Variants in RB1 observed in about 807,000 individuals in gnomAD.
RB1 encodes the protein retinoblastoma-associated protein.
Under a neutral mutation model 135.4 loss-of-function variants are expected in RB1, and 18 were observed. The ratio of observed to expected loss-of-function variants is 0.13; its 90% CI spans 0.09 to 0.20. The LOEUF is 0.20. Among genes scored for constraint, RB1 ranks in the 10% least tolerant of loss-of-function variants. RB1 has a pLI of 1.00. For missense variants in RB1, 868 were observed against 1,110.0 expected, an observed-to-expected ratio of 0.78 and a Z score of 3.10; for synonymous variants, 365 against 373.2, an observed-to-expected ratio of 0.98 and a Z score of 0.25.
intron 4 of RB1, among the ~76,000 whole-genome samples, chr13:48,346,881 A>G (rs1952503468): frequency 6.6e-6 from 1 of 152,098 alleles, no homozygotes; most frequent in African/African-American, 2.4e-5. Context: ...TAAACAAAGC[A>G]AGCAAAAACT....
intron 1 of RB1, among the ~76,000 whole-genome samples, 156 bp downstream of exon 1, chr13:48,304,205 C>A (rs1186782225): frequency 1.3e-5 from 2 of 152,106 alleles, no homozygotes; most frequent in Non-Finnish European, 2.9e-5. Flanking sequence ...GGCGGAGCGT[C>A]TGCAGAATGG....
At chr13:48,435,684 T>A (rs977642504) in intron 17 of RB1, among the ~76,000 whole-genome samples, 1 of 152,150 alleles carries the variant, frequency 6.6e-6, no homozygotes, top group Non-Finnish European at 1.5e-5. Context: ...TAGTTTCACA[T>A]TTTAAGTCCA....
chr13:48,363,004 A>C (rs779227570), intron 8 of RB1, 47 bp downstream of exon 8: 2 of 1,594,028 alleles, frequency 1.3e-6, no homozygotes, highest in Non-Finnish European at 1.7e-6. Context: ...GTAGATTTAG[A>C]TGTAAGTTCT....
At chr13:48,338,424 T>C (rs1952405831) in intron 2 of RB1, among the ~76,000 whole-genome samples, 2 of 152,220 alleles carry the variant, frequency 1.3e-5, no homozygotes, top group Admixed American at 6.5e-5. Context: ...TTCATTTCAT[T>C]CATTTGATCT....
intron 17 of RB1, among the ~76,000 whole-genome samples, chr13:48,394,966 C>A (rs1948636715): frequency 2.0e-5 from 3 of 152,186 alleles, no homozygotes; most frequent in Admixed American, 1.3e-4. Context: ...CACCTCCTGG[C>A]AGGAATCAAC....
At position 48,396,285 on chromosome 13, in the gene RB1, G is replaced by C. The variant is rs554253568; in HGVS notation, c.1695+14842G>C. On this transcript the variant is annotated intron_variant, in intron 17 of 26. Coordinates refer to ENST00000267163, the MANE Select transcript of RB1 (RefSeq NM_000321.3). ...CAATAATCAAAACAGCATGGTACTG[G>C]TACCAAAAAAGATAAATAAACCAAC... Among the ~76,000 whole-genome samples, 8 of 152,146 alleles carry C rather than the reference G, an allele frequency of 5.3e-5. No individual in the cohort carries two copies. In the South Asian group the frequency reaches 1.7e-3, roughly 32 times the overall value.
intron 2 of RB1, among the ~76,000 whole-genome samples, chr13:48,338,847 G>T (rs1952412658): frequency 6.6e-6 from 1 of 152,070 alleles, no homozygotes; most frequent in East Asian, 1.9e-4. Context: ...ACGTACAGAT[G>T]GGGGTATGGT....
At chr13:48,464,511 T>G (rs1207560149) in intron 21 of RB1, among the ~76,000 whole-genome samples, 1 of 152,230 alleles carries the variant, frequency 6.6e-6, no homozygotes, top group African/African-American at 2.4e-5. Flanking sequence ...AATATAGTGC[T>G]TTTACTAAAT....
chr13:48,453,148 G>A (rs1949339466), intron 18 of RB1, 37 bp downstream of exon 18: 1 of 1,571,234 alleles, frequency 6.4e-7, no homozygotes. Flanking sequence ...CATTCAAACT[G>A]CAAATAGATT....
At chr13:48,342,424 G>A (rs1238551190) in intron 2 of RB1, among the ~76,000 whole-genome samples, 175 bp from the exon 3 acceptor site, 1 of 151,868 alleles carries the variant, frequency 6.6e-6, no homozygotes, top group East Asian at 1.9e-4. Context: ...TTATTAGTGT[G>A]AAATGAAATC....
chr13:48,330,766 T>C (rs1952327165), intron 2 of RB1, among the ~76,000 whole-genome samples: 1 of 152,146 alleles, frequency 6.6e-6, no homozygotes, highest in African/African-American at 2.4e-5. Flanking sequence ...TTTCAAAAAT[T>C]TGAATAGGAG....
intron 17 of RB1, chr13:48,416,685 G>C (rs1948916661): frequency 6.6e-6 from 1 of 152,336 alleles, no homozygotes. Context: ...AGATCCACTG[G>C]CTTGAAACTC....
intron 14 of RB1, 96 bp from the exon 15 acceptor site, chr13:48,379,957 T>TAAA (rs35427721): frequency 1.2e-3 from 451 of 368,722 alleles, no homozygotes; most frequent in Middle Eastern, 3.5e-3. Flanking sequence ...AGACACCATC[T>TAAA]AAAAAAAAAA....
intron 12 of RB1, 113 bp from the exon 13 acceptor site, chr13:48,376,805 A>G: frequency 6.6e-7 from 1 of 1,508,062 alleles, no homozygotes; most frequent in South Asian, 1.2e-5. Context: ...TTATTATGGA[A>G]GTGTTTCCAC....
chr13:48,453,256 G>A (rs778045525), intron 18 of RB1, 145 bp downstream of exon 18: 13 of 834,038 alleles, frequency 1.6e-5, no homozygotes, highest in South Asian at 7.5e-5. Context: ...GTAATAAAAG[G>A]TACATGACCC....
chr13:48,464,572 G>A (rs1280297008), intron 21 of RB1, among the ~76,000 whole-genome samples: 1 of 152,146 alleles, frequency 6.6e-6, no homozygotes, highest in Non-Finnish European at 1.5e-5. Context: ...ATAGATTGGG[G>A]GGGATACCGG....
intron 17 of RB1, among the ~76,000 whole-genome samples, chr13:48,433,681 C>A (rs1156481940): frequency 6.7e-5 from 2 of 30,040 alleles, no homozygotes; most frequent in Non-Finnish European, 3.2e-4. Context: ...AACAAAAATG[C>A]ATTTTTTTTT....
At chr13:48,317,109 G>T in intron 2 of RB1, 1 of 907,134 alleles carries the variant, frequency 1.1e-6, no homozygotes, top group Non-Finnish European at 1.5e-6. Flanking sequence ...CAGCAAGTGT[G>T]GGCTTCCAAA....
At chr13:48,311,311 G>A (rs1048829123) in intron 2 of RB1, among the ~76,000 whole-genome samples, 3 of 152,108 alleles carry the variant, frequency 2.0e-5, no homozygotes, top group African/African-American at 7.2e-5. Context: ...GTGATATGGT[G>A]GTTATATTTT....
Sources: allele counts gnomAD v4.1 joint callset (sites outside exome capture counted in the v4.1 genomes callset), GRCh38; gene constraint gnomAD v4.1.1; transcripts MANE v1.5; gene names NCBI Gene and HGNC (gene_info 2026-07-23, HGNC 2026-07-21).